Variants in GAREM1 observed in about 807,000 individuals in gnomAD.
GAREM1 encodes the protein GRB2-associated and regulator of MAPK protein 1.
GAREM1 carries 26 observed loss-of-function variants against 71.3 expected under a neutral mutation model. The ratio of observed to expected loss-of-function variants is 0.36; its 90% CI spans 0.27 to 0.51. The LOEUF (loss-of-function observed/expected upper bound fraction) is 0.51, where lower values mean the gene tolerates loss of function less well. GAREM1 is among the 20% of genes least tolerant of loss of function. The probability of loss-of-function intolerance (pLI) is 0.95; values close to 1 mark genes in which losing one functional copy is unlikely to be tolerated. For synonymous variants in GAREM1, 440 were observed against 433.2 expected (o/e 1.02, Z -0.20); for missense variants, 1,026 against 1,103.1 (o/e 0.93, Z 0.99).
chr18:32,290,642 G>GAAA (rs586596), intron 3 of GAREM1, among the ~76,000 whole-genome samples: 10 of 75,630 alleles, frequency 1.3e-4, no homozygotes, highest in African/African-American at 3.8e-4. Flanking sequence ...CAGACTGTCT[G>GAAA]AAAAAAAAAA....
chr18:32,271,592 A>T (rs899057910), intron 4 of GAREM1, among the ~76,000 whole-genome samples: 1 of 152,202 alleles, frequency 6.6e-6, no homozygotes, highest in African/African-American at 2.4e-5. Flanking sequence ...TGCATTTCTA[A>T]CAAGTTCCTA....
chr18:32,283,148 T>C (rs559418844), intron 4 of GAREM1, among the ~76,000 whole-genome samples: 1 of 152,360 alleles, frequency 6.6e-6, no homozygotes, highest in East Asian at 1.9e-4. Flanking sequence ...TCTTGTCTAT[T>C]TCTTGAACCA....
intron 1 of GAREM1, among the ~76,000 whole-genome samples, chr18:32,448,998 T>C (rs2048808811): frequency 6.6e-6 from 1 of 152,216 alleles, no homozygotes; most frequent in Admixed American, 6.5e-5. Flanking sequence ...TCTCATTTTA[T>C]GATAAGCAAT....
At chr18:32,390,233 AT>A (rs35216811) in intron 2 of GAREM1, among the ~76,000 whole-genome samples, 2 of 152,092 alleles carry the variant, frequency 1.3e-5, no homozygotes, top group Admixed American at 6.5e-5. Context: ...TGTTTATAAA[AT>A]TTTTTTTAAA....
At chr18:32,403,385 C>T (rs547505228) in intron 1 of GAREM1, among the ~76,000 whole-genome samples, 1 of 152,104 alleles carries the variant, frequency 6.6e-6, no homozygotes, top group Non-Finnish European at 1.5e-5. Context: ...TATGTTACCC[C>T]CTCCCGCTCC....
chr18:32,277,342 C>T (rs138866787), intron 4 of GAREM1, among the ~76,000 whole-genome samples: 2 of 152,328 alleles, frequency 1.3e-5, no homozygotes, highest in East Asian at 3.9e-4. Context: ...CAACTGTACA[C>T]TGATGCCTGG....
chr18:32,389,441 A>G (rs1301315783), intron 2 of GAREM1, among the ~76,000 whole-genome samples: 4 of 152,176 alleles, frequency 2.6e-5, no homozygotes, highest in Admixed American at 2.6e-4. Context: ...AATTATCTTC[A>G]CTTTATAGAT....
intron 1 of GAREM1, among the ~76,000 whole-genome samples, chr18:32,398,077 C>G (rs1415508950): frequency 2.0e-5 from 3 of 152,020 alleles, no homozygotes; most frequent in Admixed American, 2.0e-4. Context: ...GGGTACATAA[C>G]AAAATGAAGG....
At chr18:32,352,647 T>G (rs967706308) in intron 2 of GAREM1, among the ~76,000 whole-genome samples, 6 of 152,150 alleles carry the variant, frequency 3.9e-5, no homozygotes, top group Non-Finnish European at 7.3e-5. Context: ...GTGAGGACTT[T>G]TCCCTCATTT....
chr18:32,276,577 G>T (rs1404716779), intron 4 of GAREM1, among the ~76,000 whole-genome samples: 1 of 152,180 alleles, frequency 6.6e-6, no homozygotes, highest in Non-Finnish European at 1.5e-5. Flanking sequence ...AAATTCATAG[G>T]TAATTTTACT....
chr18:32,380,429 T>C (rs993122102), intron 2 of GAREM1, among the ~76,000 whole-genome samples: 1 of 139,084 alleles, frequency 7.2e-6, no homozygotes, highest in African/African-American at 2.7e-5. Context: ...ACAGCCAAAA[T>C]TGCACCACTG....
Position 32,457,206 on chromosome 18 carries a change from GGAGA to G in GAREM1, c.121+13098_121+13101del, listed in dbSNP as rs143878009. Reference sequence around the variant, plus strand: ...GGAGAGAGATTGTGTGTGTAGGGGGGGAGAGAGAGAGAGAGAGAGAGTGTGTGTG... The same window carrying G: ...GGAGAGAGATTGTGTGTGTAGGGGGGGAGAGAGAGAGAGAGAGTGTGTGTG... On this transcript the variant is annotated intron_variant, in intron 1 of 5. Transcript: ENST00000269209. Among the ~76,000 whole-genome samples the G allele has an allele frequency of 4.3e-3, 433 of 101,750 alleles. 4 individuals are homozygous for G. Among genetic ancestry groups the G allele is most frequent in the African/African-American group, 0.017 (398 of 22,936 alleles). The allele number at this position is 101,750 out of a possible 152,430, so 66.8% of individuals were successfully genotyped here.
rs1288375400 is a variant in GAREM1 at position 32,267,198 on chromosome 18, G to A, written c.*673C>T. 1 of 152,162 alleles carries A rather than the reference G, an allele frequency of 6.6e-6. No individual in the cohort carries two copies. The highest frequency in any genetic ancestry group is 1.5e-5 in the Non-Finnish European group (1 of 68,040). 9.4% of individuals were successfully genotyped at this position (152,162 alleles called of 1,614,324 possible). A position where few individuals can be genotyped will look rare whatever the true frequency, so the allele number is the denominator to read the frequency against. ...TATGCACCTATACATGTTTATATAT[G>A]TATATTCTTTTTTCTCTGCTCAATA... On this transcript the variant is annotated 3_prime_UTR_variant, in exon 6 of 6. Coordinates refer to ENST00000269209, the MANE Select transcript of GAREM1 (RefSeq NM_001242409.2).
chr18:32,361,945 G>T (rs2047869594), intron 2 of GAREM1, among the ~76,000 whole-genome samples: 1 of 152,102 alleles, frequency 6.6e-6, no homozygotes, highest in Admixed American at 6.6e-5. Context: ...CATTTTAAGT[G>T]TATGAATTAC....
intron 2 of GAREM1, among the ~76,000 whole-genome samples, chr18:32,376,772 A>G (rs1368463731): frequency 1.3e-5 from 2 of 152,206 alleles, no homozygotes; most frequent in African/African-American, 4.8e-5. Context: ...CGGGAGGCGG[A>G]GGCTGCAATG....
Position 32,265,740 on chromosome 18 carries a change from A to G in GAREM1, c.*2131T>C, listed in dbSNP as rs1002469269. ...CTAAAAGGAGTCAGTTGTTTATGTG[A>G]GGCAACCTTTATAGTAAACCCAAAC... On this transcript the variant is annotated 3_prime_UTR_variant, in exon 6 of 6. Transcript: ENST00000269209. The G allele has an allele frequency of 2.6e-5, 4 of 152,240 alleles. No individual in the cohort carries two copies. Among genetic ancestry groups the G allele is most frequent in the African/African-American group, 9.6e-5 (4 of 41,464 alleles). The allele number at this position is 152,240 out of a possible 1,614,324, so 9.4% of individuals were successfully genotyped here. A position where few individuals can be genotyped will look rare whatever the true frequency, so the allele number is the denominator to read the frequency against.
chr18:32,283,973 A>T (rs1180485179), intron 4 of GAREM1, among the ~76,000 whole-genome samples: 1 of 152,228 alleles, frequency 6.6e-6, no homozygotes, highest in African/African-American at 2.4e-5. Context: ...ATTACTGGGT[A>T]GGATAGTTGG....
chr18:32,290,178 A>G lies in GAREM1; in HGVS notation c.394-1975T>C, dbSNP rs1042736199. The G allele has an allele frequency of 5.9e-5, 9 of 151,904 alleles. 1 individual carries two copies. Among genetic ancestry groups the G allele is most frequent in the Admixed American group, 5.9e-4 (9 of 15,242 alleles). The allele number at this position is 151,904 out of a possible 1,614,324, so 9.4% of individuals were successfully genotyped here. A position where few individuals can be genotyped will look rare whatever the true frequency, so the allele number is the denominator to read the frequency against. Reference sequence around the variant, plus strand: ...CATTCAAATATATACCTATATTTGCATTTATTTTCAGGCCATTTATCTTAG... The same window carrying G: ...CATTCAAATATATACCTATATTTGCGTTTATTTTCAGGCCATTTATCTTAG... On this transcript the variant is annotated intron_variant, in intron 3 of 5. Transcript: ENST00000269209.
At chr18:32,296,764 C>T (rs2047144846) in intron 3 of GAREM1, among the ~76,000 whole-genome samples, 1 of 148,594 alleles carries the variant, frequency 6.7e-6, no homozygotes, top group Admixed American at 6.7e-5. Context: ...TGTACTTGAA[C>T]TCCTAGGCTC....
Sources: allele counts gnomAD v4.1 joint callset (sites outside exome capture counted in the v4.1 genomes callset), GRCh38; gene constraint gnomAD v4.1.1; transcripts MANE v1.5; gene names NCBI Gene and HGNC (gene_info 2026-07-23, HGNC 2026-07-21).